Variants in PRKN observed in about 807,000 individuals in gnomAD.
The protein encoded by PRKN is E3 ubiquitin-protein ligase parkin.
Under a neutral mutation model 59.5 loss-of-function variants are expected in PRKN, and 56 were observed. The observed-to-expected ratio is 0.94, with a 90% CI of 0.76 to 1.18. The LOEUF is 1.18. Among genes scored for constraint, PRKN ranks in the 50% most tolerant of loss-of-function variants. The pLI, the probability that PRKN is intolerant of heterozygous loss-of-function variation, is 0.00. For synonymous variants in PRKN, 250 were observed against 222.1 expected (o/e 1.13, Z -1.12); for missense variants, 657 against 596.4 (o/e 1.10, Z -1.06).
chr6:161,821,719 C>CTTTTTT (rs531807176), intron 6 of PRKN, among the ~76,000 whole-genome samples: 4 of 64,704 alleles, frequency 6.2e-5, no homozygotes, highest in African/African-American at 6.0e-5. Flanking sequence ...CACTGGTGTT[C>CTTTTTT]TTTTTTTTTT....
At chr6:162,285,266 ATTTTTTTTT>A (rs11392809) in intron 2 of PRKN, among the ~76,000 whole-genome samples, 5 of 95,928 alleles carry the variant, frequency 5.2e-5, no homozygotes, top group South Asian at 8.7e-4. Flanking sequence ...TATTTTGGAG[ATTTTTTTTT>A]TTTTTTTTTT....
intron 1 of PRKN, among the ~76,000 whole-genome samples, chr6:162,595,605 T>C (rs1781471010): frequency 6.6e-6 from 1 of 152,164 alleles, no homozygotes; most frequent in Admixed American, 6.5e-5. Flanking sequence ...AGTTATTGTT[T>C]TTTTTTAAAT....
chr6:162,064,671 A>G (rs188493472), intron 4 of PRKN, among the ~76,000 whole-genome samples: 206 of 152,364 alleles, frequency 1.4e-3, no homozygotes, highest in African/African-American at 4.8e-3. Context: ...GTGAATACAC[A>G]AGAATAATTA....
Position 162,556,344 on chromosome 6 carries a change from TGTGTG to T in PRKN, c.8-112876_8-112872del, listed in dbSNP as rs1779573610. 3.2e-3 allele frequency among the ~76,000 whole-genome samples: 283 copies of T among 87,376 alleles called. 2 individuals carry two copies. Among genetic ancestry groups the T allele is most frequent in the South Asian group, 4.6e-3 (13 of 2,854 alleles). The allele number at this position is 87,376 out of a possible 152,430, so 57.3% of individuals were successfully genotyped here. A position where few individuals can be genotyped will look rare whatever the true frequency, so the allele number is the denominator to read the frequency against. ...AACCAAGCAGTAACTACTCAGCTGG[TGTGTG>T]TGTGTGTGTGTGTGTGTGTGTGTGT... On this transcript the variant is annotated intron_variant, in intron 1 of 11. Transcript: ENST00000366898.
chr6:161,358,590 G>A (rs1015415510), intron 11 of PRKN, among the ~76,000 whole-genome samples: 6 of 151,988 alleles, frequency 3.9e-5, no homozygotes, highest in Admixed American at 6.6e-5. Flanking sequence ...ACCCCAGCCT[G>A]GGCTACAGAT....
At chr6:162,288,828 C>A (rs1162895300) in intron 2 of PRKN, among the ~76,000 whole-genome samples, 1 of 152,182 alleles carries the variant, frequency 6.6e-6, no homozygotes, top group Non-Finnish European at 1.5e-5. Context: ...CTATGCTTGG[C>A]TGCTGAGGAA....
At chr6:162,166,501 T>C (rs1782995716) in intron 4 of PRKN, among the ~76,000 whole-genome samples, 1 of 152,226 alleles carries the variant, frequency 6.6e-6, no homozygotes, top group African/African-American at 2.4e-5. Flanking sequence ...CTCATAACAT[T>C]CCACCGGATA....
intron 6 of PRKN, among the ~76,000 whole-genome samples, chr6:161,879,410 C>T (rs918726481): frequency 1.4e-5 from 2 of 139,432 alleles, no homozygotes; most frequent in African/African-American, 2.8e-5. Flanking sequence ...TACAGTGGTG[C>T]AATCTTGGCT....
intron 9 of PRKN, among the ~76,000 whole-genome samples, chr6:161,481,468 G>T (rs887572713): frequency 2.0e-5 from 3 of 152,100 alleles, no homozygotes; most frequent in Non-Finnish European, 4.4e-5. Flanking sequence ...GCTGGGCATG[G>T]TGGCGTGTGC....
intron 11 of PRKN, among the ~76,000 whole-genome samples, chr6:161,351,745 G>C (rs1784561357): frequency 6.6e-6 from 1 of 152,168 alleles, no homozygotes; most frequent in Non-Finnish European, 1.5e-5. Flanking sequence ...TATCTCATTT[G>C]CTTCCCAAAG....
chr6:161,651,108 T>C (rs1784134651), intron 7 of PRKN, among the ~76,000 whole-genome samples: 1 of 152,200 alleles, frequency 6.6e-6, no homozygotes, highest in Non-Finnish European at 1.5e-5. Context: ...GGAAATCTAA[T>C]GCTTGTCTTT....
intron 6 of PRKN, among the ~76,000 whole-genome samples, chr6:161,971,320 A>G (rs1780797994): frequency 6.6e-6 from 1 of 152,204 alleles, no homozygotes; most frequent in African/African-American, 2.4e-5. Context: ...CATCATCACC[A>G]CATATTTTAA....
chr6:161,814,392 C>T (rs1791682274), intron 6 of PRKN, among the ~76,000 whole-genome samples: 1 of 152,214 alleles, frequency 6.6e-6, no homozygotes, highest in South Asian at 2.1e-4. Flanking sequence ...CTAATAAAGA[C>T]TCACAGTTTC....
chr6:161,406,433 T>C (rs1787281233), intron 9 of PRKN, among the ~76,000 whole-genome samples: 1 of 152,168 alleles, frequency 6.6e-6, no homozygotes. Context: ...TAGGGCGAGA[T>C]GTCTGCTCAG....
intron 1 of PRKN, among the ~76,000 whole-genome samples, chr6:162,488,713 G>A (rs1350694421): frequency 2.0e-5 from 3 of 152,126 alleles, no homozygotes; most frequent in Non-Finnish European, 4.4e-5. Context: ...AACAGCACGA[G>A]CAGGCCCACA....
At chr6:161,899,112 C>A (rs909516594) in intron 6 of PRKN, among the ~76,000 whole-genome samples, 4 of 152,222 alleles carry the variant, frequency 2.6e-5, no homozygotes, top group African/African-American at 9.6e-5. Context: ...CACCCCGCAG[C>A]TATGTCAGCG....
intron 7 of PRKN, among the ~76,000 whole-genome samples, chr6:161,692,679 C>T (rs923659868): frequency 1.3e-5 from 2 of 152,040 alleles, no homozygotes; most frequent in African/African-American, 2.4e-5. Context: ...CTGAGGGGGG[C>T]GGATCATTTG....
chr6:161,598,444 T>A (rs1187520345), intron 7 of PRKN, among the ~76,000 whole-genome samples: 1 of 152,238 alleles, frequency 6.6e-6, no homozygotes, highest in Non-Finnish European at 1.5e-5. Context: ...GTGAGTTATC[T>A]ACTTAACATA....
intron 1 of PRKN, among the ~76,000 whole-genome samples, chr6:162,532,216 T>C (rs1778543665): frequency 6.6e-6 from 1 of 152,230 alleles, no homozygotes; most frequent in African/African-American, 2.4e-5. Flanking sequence ...GAGCTGCTTT[T>C]ATGGACTATA....
Sources: gnomAD v4.1 joint callset for allele counts (sites outside exome capture counted in the v4.1 genomes callset) on GRCh38, gnomAD v4.1.1 for gene constraint, MANE v1.5 for transcripts, NCBI Gene and HGNC (gene_info 2026-07-23, HGNC 2026-07-21) for gene names.